The following TBX18 variants were observed in gnomAD, a reference collection of about 807,000 sequenced individuals.
TBX18 encodes T-box transcription factor 18.
TBX18 carries 21 observed loss-of-function variants against 55.0 expected under a neutral mutation model. That is an observed-to-expected ratio of 0.38 (90% confidence interval 0.27 to 0.55). TBX18 has a LOEUF of 0.55. Ranked by LOEUF, TBX18 falls within the 20% of genes least tolerant of loss-of-function variation. TBX18 has a pLI of 0.73. For synonymous variants in TBX18, 342 were observed against 326.1 expected (o/e 1.05, Z -0.53); for missense variants, 840 against 799.6 (o/e 1.05, Z -0.61).
At chr6:84,741,395 C>A (rs778170410) in intron 6 of TBX18, 4 of 152,148 alleles carry the variant, frequency 2.6e-5, no homozygotes, top group Non-Finnish European at 5.9e-5. Context: ...TTTGTACCTT[C>A]CTGAGTAAAA....
At chr6:84,763,466 G>A (rs1767714244) in intron 1 of TBX18, 3 of 467,582 alleles carry the variant, frequency 6.4e-6, no homozygotes, top group South Asian at 3.1e-5. Context: ...CCTCTTCCTG[G>A]TTTGCACAAA....
At chr6:84,739,532 C>T (rs547412688) in intron 6 of TBX18, among the ~76,000 whole-genome samples, 1 of 152,096 alleles carries the variant, frequency 6.6e-6, no homozygotes, top group Non-Finnish European at 1.5e-5. Flanking sequence ...CCTGAGACCT[C>T]ATCACTCTTC....
At position 84,756,702 on chromosome 6, in the gene TBX18, C is replaced by A; in HGVS notation, c.767G>T (p.Gly256Val). 6.2e-7 allele frequency: 1 copy of A among 1,613,692 alleles called. No individual in the cohort carries two copies. Among genetic ancestry groups the A allele is most frequent in the Non-Finnish European group, 8.5e-7 (1 of 1,179,888 alleles). ...TTAGAGAGGCCATCTACTCACATGG[C>A]CTTGGTCATCCAGTTCATTGTTGGT... ...KLTNNELDDQ[G>V]HIILHSMHKY... The change falls in exon 4 of 8, where the codon GGC (glycine) becomes GTC (valine). Residue 256 changes from glycine to valine, a missense_variant. Transcript: ENST00000369663.
intron 4 of TBX18, among the ~76,000 whole-genome samples, chr6:84,750,380 G>A (rs1252716240): frequency 2.0e-5 from 3 of 152,006 alleles, no homozygotes; most frequent in Non-Finnish European, 4.4e-5. Flanking sequence ...CAGACATGTG[G>A]ACCCAGTAGA....
chr6:84,755,684 A>T (rs963874007), intron 4 of TBX18, among the ~76,000 whole-genome samples: 1 of 152,186 alleles, frequency 6.6e-6, no homozygotes, highest in Non-Finnish European at 1.5e-5. Flanking sequence ...AAACAAAAAC[A>T]CTGGCGGTGT....
At position 84,763,930 on chromosome 6, in the gene TBX18, C is replaced by T; in HGVS notation, c.252G>A (p.Gly84=). ...ALPPPAGATS[G]PARSGADLER... ...CCAGGTCTGCGCCACTCCGAGCCGG[C>T]CCAGACGTCGCCCCAGCCGGCGGCG... The change falls in exon 1 of 8, where the codon GGG becomes GGA. Residue 84 remains glycine (G), a synonymous_variant. Transcript: ENST00000369663. 6.3e-7 allele frequency: 1 copy of T among 1,576,628 alleles called. No individual in the cohort carries two copies. The highest frequency in any genetic ancestry group is 8.6e-7 in the Non-Finnish European group (1 of 1,167,104).
In TBX18 at chr6:84,747,509, G is replaced by A. The variant is rs375488013; in HGVS notation, c.939+411C>T. Among the ~76,000 whole-genome samples the A allele has an allele frequency of 2.0e-5, 3 of 152,250 alleles. No individual in the cohort carries two copies. In the South Asian group the frequency reaches 6.2e-4, roughly 32 times the overall value. On this transcript the variant is annotated intron_variant, in intron 5 of 7. Transcript: ENST00000369663. The stretch of plus-strand genomic sequence containing the variant: ...AGCCCTTTTGTATATGTACCAAAAT[G>A]ACTATACAGGATAAATGTTTCTGAA...
chr6:84,751,727 G>A (rs1273492745), intron 4 of TBX18, among the ~76,000 whole-genome samples: 3 of 152,146 alleles, frequency 2.0e-5, no homozygotes, highest in Non-Finnish European at 4.4e-5. Flanking sequence ...TAGGAATTGA[G>A]GAGAGAAACA....
chr6:84,737,925 T>C (rs1007694509), intron 7 of TBX18, among the ~76,000 whole-genome samples: 2 of 152,150 alleles, frequency 1.3e-5, no homozygotes, highest in African/African-American at 4.8e-5. Flanking sequence ...AGGATGATGG[T>C]AAAAAGCCTG....
chr6:84,749,863 C>A (rs932874205), intron 4 of TBX18, among the ~76,000 whole-genome samples: 2 of 152,030 alleles, frequency 1.3e-5, no homozygotes, highest in African/African-American at 4.8e-5. Flanking sequence ...TTGAAAAACA[C>A]AGAAGCAACA....
intron 4 of TBX18, among the ~76,000 whole-genome samples, chr6:84,750,880 T>C (rs758129999): frequency 1.3e-5 from 2 of 152,330 alleles, no homozygotes; most frequent in South Asian, 2.1e-4. Context: ...ACCATTAATG[T>C]TAACTCTGTT....
intron 6 of TBX18, among the ~76,000 whole-genome samples, chr6:84,739,862 C>T (rs1333081296): frequency 6.6e-6 from 1 of 152,172 alleles, no homozygotes; most frequent in Admixed American, 6.5e-5. Flanking sequence ...TCCAAGGCTT[C>T]ACACACAGAA....
At chr6:84,751,623 A>C (rs1370130727) in intron 4 of TBX18, among the ~76,000 whole-genome samples, 3 of 152,226 alleles carry the variant, frequency 2.0e-5, no homozygotes, top group African/African-American at 4.8e-5. Context: ...TCATTCCTGC[A>C]ATCATTTTGT....
chr6:84,757,930 T>C (rs1767539545), intron 3 of TBX18, among the ~76,000 whole-genome samples: 1 of 152,190 alleles, frequency 6.6e-6, no homozygotes, highest in East Asian at 1.9e-4. Flanking sequence ...CAGAAAAGTC[T>C]ACCTGTGTTA....
intron 5 of TBX18, 46 bp from the exon 6 acceptor site, chr6:84,744,371 G>C: frequency 1.3e-6 from 2 of 1,564,952 alleles, no homozygotes; most frequent in Non-Finnish European, 1.8e-6. Flanking sequence ...TAAATGTCAA[G>C]CAAGTTTTTA....
intron 4 of TBX18, among the ~76,000 whole-genome samples, chr6:84,755,327 T>C (rs1767459274): frequency 6.6e-6 from 1 of 152,150 alleles, no homozygotes; most frequent in Admixed American, 6.5e-5. Flanking sequence ...CTTTAAACTG[T>C]AGAACTCACA....
chr6:84,761,764 T>C (rs1767652958), intron 2 of TBX18, among the ~76,000 whole-genome samples: 1 of 152,202 alleles, frequency 6.6e-6, no homozygotes, highest in South Asian at 2.1e-4. Context: ...AATCCATTTA[T>C]TTTACTAACC....
intron 5 of TBX18, among the ~76,000 whole-genome samples, chr6:84,744,711 A>T (rs1242254962): frequency 6.6e-6 from 1 of 152,174 alleles, no homozygotes; most frequent in East Asian, 1.9e-4. Context: ...TTCTATCTCA[A>T]TAAAGCTAAT....
Position 84,764,016 on chromosome 6 carries a change from T to G in TBX18, c.166A>C (p.Ser56Arg). Residue 56 changes from serine to arginine, a missense_variant, in exon 1 of 8, where the codon AGC (serine) becomes CGC (arginine). By Grantham distance (110) the Ser-to-Arg change is moderately radical. Coordinates refer to ENST00000369663, the MANE Select transcript of TBX18 (RefSeq NM_001080508.3). ...AAGAVDDGGCSRGGGAGEKGS... is the reference protein window; with the variant it reads ...AAGAVDDGGCRRGGGAGEKGS... ...TTTTCGCCCGCGCCGCCGCCGCGGC[T>G]GCAGCCTCCGTCGTCCACGGCCCCC... The G allele has an allele frequency of 1.3e-6, 2 of 1,556,964 alleles. No individual in the cohort carries two copies. Among genetic ancestry groups the G allele is most frequent in the Non-Finnish European group, 1.7e-6 (2 of 1,154,870 alleles).
Sources: allele counts gnomAD v4.1 joint callset (sites outside exome capture counted in the v4.1 genomes callset), GRCh38; gene constraint gnomAD v4.1.1; transcripts MANE v1.5; gene names NCBI Gene and HGNC (gene_info 2026-07-23, HGNC 2026-07-21).